Variants in STK32B observed in about 807,000 individuals in gnomAD.
The protein encoded by STK32B is serine/threonine-protein kinase 32B.
A neutral mutation model predicts 52.6 loss-of-function variants in STK32B; 43 were observed. The ratio of observed to expected loss-of-function variants is 0.82; its 90% CI spans 0.64 to 1.05. STK32B has a LOEUF of 1.05. STK32B is among the 50% of genes least tolerant of loss of function. The pLI is 0.00. For missense variants in STK32B, 621 were observed against 534.6 expected (o/e 1.16, Z -1.59); for synonymous variants, 238 against 204.3 (o/e 1.17, Z -1.41).
chr4:5,219,901 T>C (rs890985512), intron 3 of STK32B, among the ~76,000 whole-genome samples: 36 of 152,146 alleles, frequency 2.4e-4, no homozygotes, highest in African/African-American at 7.7e-4. Flanking sequence ...GAGCGGACCC[T>C]CTGGAACAGG....
chr4:5,134,175 C>G (rs866468402), intron 1 of STK32B, among the ~76,000 whole-genome samples: 1 of 152,186 alleles, frequency 6.6e-6, no homozygotes, highest in Non-Finnish European at 1.5e-5. Context: ...ATCGCAGGCC[C>G]AGATTTTTTT....
intron 6 of STK32B, among the ~76,000 whole-genome samples, chr4:5,436,941 T>A (rs1413319067): frequency 6.6e-6 from 1 of 152,176 alleles, no homozygotes; most frequent in African/African-American, 2.4e-5. Flanking sequence ...GTTGCAAACA[T>A]CAGTGAGCCA....
At chr4:5,436,231 A>G (rs1714063541) in intron 6 of STK32B, among the ~76,000 whole-genome samples, 1 of 152,200 alleles carries the variant, frequency 6.6e-6, no homozygotes, top group African/African-American at 2.4e-5. Flanking sequence ...CCTGCTACTG[A>G]GTTGGGCCCC....
intron 2 of STK32B, among the ~76,000 whole-genome samples, chr4:5,154,688 C>T (rs1447288): frequency 0.34 from 51,469 of 152,006 alleles, 10,267 homozygotes; most frequent in Non-Finnish European, 0.46. Flanking sequence ...CACACAGCAG[C>T]GCCAGGCATG....
chr4:5,330,384 C>G (rs917059466), intron 3 of STK32B, among the ~76,000 whole-genome samples: 12 of 152,158 alleles, frequency 7.9e-5, no homozygotes, highest in African/African-American at 2.9e-4. Context: ...TTAGAAAGCC[C>G]AAATGCATTT....
At chr4:5,272,230 G>C (rs1371406613) in intron 3 of STK32B, among the ~76,000 whole-genome samples, 5 of 145,354 alleles carry the variant, frequency 3.4e-5, no homozygotes, top group Admixed American at 3.4e-4. Flanking sequence ...GTTGAATTTT[G>C]TCAAAGGCTT....
intron 1 of STK32B, among the ~76,000 whole-genome samples, chr4:5,069,572 A>T (rs938788418): frequency 6.6e-6 from 1 of 152,150 alleles, no homozygotes; most frequent in African/African-American, 2.4e-5. Flanking sequence ...TGCCTCTGCT[A>T]CTTCCTAGCT....
chr4:5,499,609 A>T lies in STK32B; in HGVS notation c.*526A>T, dbSNP rs1720576503. The stretch of plus-strand genomic sequence containing the variant: ...CAACGCTGCCAAATCCTGGAGCAAA[A>T]CCTGAAGTGTCTTCATGTGCATTCT... On this transcript the variant is annotated 3_prime_UTR_variant, in exon 12 of 12. Transcript: ENST00000282908. The T allele has an allele frequency of 6.6e-6, 1 of 150,682 alleles. No homozygotes were observed. Among genetic ancestry groups the T allele is most frequent in the Admixed American group, 6.6e-5 (1 of 15,076 alleles). 9.3% of individuals were successfully genotyped at this position (150,682 alleles called of 1,614,324 possible). A position where few individuals can be genotyped will look rare whatever the true frequency, so the allele number is the denominator to read the frequency against.
At chr4:5,489,769 T>G (rs1406555693) in intron 11 of STK32B, among the ~76,000 whole-genome samples, 3 of 152,148 alleles carry the variant, frequency 2.0e-5, no homozygotes, top group African/African-American at 7.2e-5. Context: ...TTTACTTACG[T>G]GACATGAACT....
At chr4:5,492,362 A>G (rs961665716) in intron 11 of STK32B, among the ~76,000 whole-genome samples, 7 of 152,192 alleles carry the variant, frequency 4.6e-5, no homozygotes, top group African/African-American at 1.4e-4. Context: ...GAGTTCACTC[A>G]TGATTTGGCT....
At chr4:5,205,202 C>A (rs1722472831) in intron 3 of STK32B, among the ~76,000 whole-genome samples, 1 of 151,360 alleles carries the variant, frequency 6.6e-6, no homozygotes, top group South Asian at 2.1e-4. Context: ...GGTCCTCAGG[C>A]CTTTGGACAC....
intron 3 of STK32B, among the ~76,000 whole-genome samples, chr4:5,195,134 C>G (rs1437462771): frequency 1.3e-5 from 2 of 152,066 alleles, no homozygotes; most frequent in African/African-American, 4.8e-5. Context: ...AGTGCATTGG[C>G]GCAATCGTAG....
At chr4:5,424,608 G>A (rs114241243) in intron 6 of STK32B, among the ~76,000 whole-genome samples, 8 of 152,214 alleles carry the variant, frequency 5.3e-5, no homozygotes, top group South Asian at 2.1e-4. Flanking sequence ...CAATCTGCCC[G>A]TGGAAAGGAG....
intron 3 of STK32B, among the ~76,000 whole-genome samples, chr4:5,271,671 T>C (rs1449928024): frequency 3.4e-5 from 5 of 147,428 alleles, no homozygotes; most frequent in Non-Finnish European, 7.4e-5. Context: ...GTATCCTCTT[T>C]TATTTCCTTG....
At chr4:5,466,662 G>T in intron 9 of STK32B, 41 bp from the exon 10 acceptor site, 1 of 1,587,164 alleles carries the variant, frequency 6.3e-7, no homozygotes, top group Non-Finnish European at 8.6e-7. Context: ...GTGATGGGTG[G>T]AACGCAGACA....
intron 4 of STK32B, among the ~76,000 whole-genome samples, chr4:5,363,273 CATTTA>C (rs749755088): frequency 9.2e-5 from 14 of 152,180 alleles, no homozygotes; most frequent in South Asian, 2.1e-4. Context: ...GGTCTTGCAT[CATTTA>C]ATTTAATTTA....
intron 3 of STK32B, among the ~76,000 whole-genome samples, chr4:5,194,104 C>A (rs1301957005): frequency 6.6e-6 from 1 of 152,134 alleles, no homozygotes; most frequent in Admixed American, 6.5e-5. Context: ...CTCTCACTTG[C>A]CTGTTTGATT....
At position 5,159,528 on chromosome 4, in the gene STK32B, T is replaced by TGA. The variant is rs1423504107; in HGVS notation, c.109-8771_109-8770insGA. Among the ~76,000 whole-genome samples the TGA allele has an allele frequency of 5.8e-5, 7 of 120,696 alleles. No individual in the cohort carries two copies. The East Asian group carries it at 1.5e-3, about 25-fold the overall frequency. The allele number at this position is 120,696 out of a possible 152,430, so 79.2% of individuals were successfully genotyped here. A position where few individuals can be genotyped will look rare whatever the true frequency, so the allele number is the denominator to read the frequency against. On this transcript the variant is annotated intron_variant, in intron 2 of 11. Coordinates refer to ENST00000282908, the MANE Select transcript of STK32B (RefSeq NM_018401.3). Reference sequence around the variant, plus strand: ...TGAATATATATATGAATATATGATATATATGTATATATGTATATATATGAA... The same window carrying TGA: ...TGAATATATATATGAATATATGATATGAATATGTATATATGTATATATATGAA...
In STK32B at chr4:5,051,534, C is replaced by G. The variant is rs959188381; in HGVS notation, c.-330C>G. ...CCTCGCGTCTCCCGCCCGCTGTAGC[C>G]GGCGAGGAGCGCCGCACGTTGGCCC... On this transcript the variant is annotated 5_prime_UTR_variant, in exon 1 of 12. Transcript: ENST00000282908. The G allele has an allele frequency of 5.8e-6, 2 of 345,972 alleles. No individual in the cohort carries two copies. Among genetic ancestry groups the G allele is most frequent in the Admixed American group, 1.0e-4 (2 of 19,544 alleles). 21.4% of individuals were successfully genotyped at this position (345,972 alleles called of 1,614,324 possible).
Sources: gnomAD v4.1 joint callset for allele counts (sites outside exome capture counted in the v4.1 genomes callset) on GRCh38, gnomAD v4.1.1 for gene constraint, MANE v1.5 for transcripts, NCBI Gene and HGNC (gene_info 2026-07-23, HGNC 2026-07-21) for gene names.